Variants in GALNTL6 observed in about 807,000 individuals in gnomAD.
GALNTL6 encodes polypeptide N-acetylgalactosaminyltransferase-like 6.
In GALNTL6, 46 loss-of-function variants were observed where a neutral mutation model predicts 73.7. The ratio of observed to expected loss-of-function variants is 0.62; its 90% confidence interval spans 0.49 to 0.80. The LOEUF (loss-of-function observed/expected upper bound fraction) is 0.80, where lower values mean the gene tolerates loss of function less well. GALNTL6 is among the 30% of genes least tolerant of loss of function. GALNTL6 has a pLI of 0.00. For missense variants in GALNTL6, 604 were observed against 755.0 expected, an observed-to-expected ratio of 0.80 and a Z score of 2.34; for synonymous variants, 259 against 263.7, an observed-to-expected ratio of 0.98 and a Z score of 0.17.
intron 5 of GALNTL6, among the ~76,000 whole-genome samples, chr4:172,753,702 A>G (rs1404691176): frequency 6.6e-6 from 1 of 152,236 alleles, no homozygotes. Flanking sequence ...TAGAATAACC[A>G]CAATTATATA....
At chr4:172,799,100 T>C (rs770268580) in intron 5 of GALNTL6, among the ~76,000 whole-genome samples, 49 of 152,154 alleles carry the variant, frequency 3.2e-4, no homozygotes, top group Non-Finnish European at 5.6e-4. Flanking sequence ...CCCTGATATC[T>C]GATATGATTG....
intron 2 of GALNTL6, among the ~76,000 whole-genome samples, chr4:171,899,315 T>A (rs1322943657): frequency 1.3e-5 from 2 of 152,114 alleles, no homozygotes; most frequent in East Asian, 3.8e-4. Flanking sequence ...TCATTCAAAG[T>A]ATTTCAGTCT....
intron 9 of GALNTL6, among the ~76,000 whole-genome samples, chr4:172,939,676 C>G (rs896725461): frequency 2.6e-5 from 4 of 152,294 alleles, no homozygotes; most frequent in Admixed American, 6.5e-5. Context: ...AACGTCACCT[C>G]ACCTTGGGGC....
At chr4:172,154,637 G>C (rs1293500011) in intron 2 of GALNTL6, among the ~76,000 whole-genome samples, 2 of 152,142 alleles carry the variant, frequency 1.3e-5, no homozygotes, top group Non-Finnish European at 2.9e-5. Context: ...GGGTCTCAAA[G>C]CCATGGTACA....
chr4:172,247,853 T>C (rs1737715913), intron 3 of GALNTL6, among the ~76,000 whole-genome samples: 1 of 152,228 alleles, frequency 6.6e-6, no homozygotes. Context: ...TTTAGTTTTA[T>C]TTTTAATCAA....
intron 5 of GALNTL6, among the ~76,000 whole-genome samples, chr4:172,644,697 T>G (rs1397998186): frequency 6.6e-6 from 1 of 152,036 alleles, no homozygotes; most frequent in African/African-American, 2.4e-5. Context: ...GTTGTAATTA[T>G]TTCTTCCAGA....
At chr4:172,370,440 G>A (rs1848399) in intron 5 of GALNTL6, among the ~76,000 whole-genome samples, 150,491 of 151,882 alleles carry the variant, frequency 0.99, 74,578 homozygotes, top group Middle Eastern at 1. Flanking sequence ...TCTGGCTAAC[G>A]TGGTGAAACC....
chr4:172,945,895 T>C (rs1052456007), intron 9 of GALNTL6, among the ~76,000 whole-genome samples: 3 of 152,184 alleles, frequency 2.0e-5, no homozygotes, highest in African/African-American at 7.2e-5. Flanking sequence ...GTACCCATGA[T>C]GACATTATCA....
At chr4:171,840,284 C>T (rs1158072671) in intron 2 of GALNTL6, among the ~76,000 whole-genome samples, 1 of 152,146 alleles carries the variant, frequency 6.6e-6, no homozygotes, top group Non-Finnish European at 1.5e-5. Context: ...GTTAACAGTA[C>T]AGGTTTGAAA....
chr4:172,108,257 T>C (rs1732742857), intron 2 of GALNTL6, among the ~76,000 whole-genome samples: 1 of 152,196 alleles, frequency 6.6e-6, no homozygotes, highest in Non-Finnish European at 1.5e-5. Flanking sequence ...TTTTCACAAG[T>C]TGTGCAGAAT....
chr4:172,827,111 T>C (rs1742311999), intron 7 of GALNTL6, among the ~76,000 whole-genome samples: 1 of 152,184 alleles, frequency 6.6e-6, no homozygotes, highest in Non-Finnish European at 1.5e-5. Context: ...CTCCATCTGC[T>C]CTCTTGCATG....
At chr4:172,486,716 A>C (rs1733682406) in intron 5 of GALNTL6, among the ~76,000 whole-genome samples, 1 of 152,214 alleles carries the variant, frequency 6.6e-6, no homozygotes, top group South Asian at 2.1e-4. Context: ...TTCCTCTGTC[A>C]TGCACAATCT....
At chr4:171,834,788 A>T (rs187498023) in intron 2 of GALNTL6, among the ~76,000 whole-genome samples, 32 of 152,112 alleles carry the variant, frequency 2.1e-4, no homozygotes, top group Non-Finnish European at 1.5e-5. Flanking sequence ...GGCGTAAGTC[A>T]GACATGCTTA....
At chr4:171,957,858 A>C (rs567157249) in intron 2 of GALNTL6, among the ~76,000 whole-genome samples, 6 of 151,958 alleles carry the variant, frequency 3.9e-5, no homozygotes, top group African/African-American at 9.6e-5. Flanking sequence ...CATATTTGAC[A>C]AAAAAAATGG....
intron 12 of GALNTL6, among the ~76,000 whole-genome samples, chr4:173,027,231 C>A (rs1303546140): frequency 6.6e-6 from 1 of 152,192 alleles, no homozygotes; most frequent in Non-Finnish European, 1.5e-5. Flanking sequence ...ATCCCGCCCA[C>A]CTCTACCTCC....
At chr4:171,952,996 A>G (rs1738928806) in intron 2 of GALNTL6, among the ~76,000 whole-genome samples, 1 of 152,186 alleles carries the variant, frequency 6.6e-6, no homozygotes, top group Non-Finnish European at 1.5e-5. Context: ...AAAAGAAAAT[A>G]TATTTTTAGA....
chr4:171,818,205 T>C (rs1238000279), intron 2 of GALNTL6, among the ~76,000 whole-genome samples: 2 of 151,744 alleles, frequency 1.3e-5, no homozygotes, highest in African/African-American at 4.8e-5. Flanking sequence ...TCATAAGCTG[T>C]GAGTTAGGAT....
intron 2 of GALNTL6, among the ~76,000 whole-genome samples, chr4:172,088,974 G>A (rs1412434231): frequency 6.6e-6 from 1 of 152,166 alleles, no homozygotes; most frequent in Non-Finnish European, 1.5e-5. Flanking sequence ...AGAGAAATCA[G>A]GGTAGTAATC....
chr4:172,179,217 T>C (rs1225062230), intron 2 of GALNTL6, among the ~76,000 whole-genome samples: 1 of 151,304 alleles, frequency 6.6e-6, no homozygotes, highest in African/African-American at 2.4e-5. Flanking sequence ...TCTAGATCCC[T>C]GAGGAATCGC....
Sources: gnomAD v4.1 joint callset for allele counts (sites outside exome capture counted in the v4.1 genomes callset) on GRCh38, gnomAD v4.1.1 for gene constraint, MANE v1.5 for transcripts, NCBI Gene and HGNC (gene_info 2026-07-23, HGNC 2026-07-21) for gene names.